The following ZNF37A variants were observed in gnomAD, a reference collection of about 807,000 sequenced individuals.
ZNF37A encodes zinc finger protein 37A.
A neutral mutation model predicts 12.3 loss-of-function variants in ZNF37A; 10 were observed. That is an observed-to-expected ratio of 0.82 (90% CI 0.50 to 1.38). ZNF37A has a LOEUF of 1.38. ZNF37A is among the 40% of genes most tolerant of loss of function. The probability of loss-of-function intolerance (pLI) is 0.00; values close to 1 mark genes in which losing one functional copy is unlikely to be tolerated. For missense variants in ZNF37A, 580 were observed against 651.2 expected, an observed-to-expected ratio of 0.89 and a Z score of 1.19; for synonymous variants, 207 against 223.0, an observed-to-expected ratio of 0.93 and a Z score of 0.64.
chr10:38,111,117 A>G (rs185168913), intron 5 of ZNF37A, among the ~76,000 whole-genome samples: 23 of 152,326 alleles, frequency 1.5e-4, no homozygotes, highest in Admixed American at 1.5e-3. Context: ...GATAAAGAAA[A>G]TGTGGCACAT....
intron 7 of ZNF37A, among the ~76,000 whole-genome samples, chr10:38,134,686 A>G (rs2070082671): frequency 6.6e-6 from 1 of 152,268 alleles, no homozygotes; most frequent in African/African-American, 2.4e-5. Context: ...TGGCCGTATG[A>G]GGTGTCAGTC....
chr10:38,117,209 T>C (rs2069337429), intron 7 of ZNF37A, 181 bp from the exon 8 acceptor site: 1 of 985,024 alleles, frequency 1.0e-6, no homozygotes, highest in Non-Finnish European at 1.2e-6. Context: ...CTTTTAGAAA[T>C]TTAATTTGTT....
chr10:38,097,125 CTG>C lies in ZNF37A; in HGVS notation c.15+494_15+495del, dbSNP rs1370341848. On this transcript the variant is annotated intron_variant, in intron 5 of 7. Coordinates refer to ENST00000685332, the MANE Select transcript of ZNF37A (RefSeq NM_001324250.3). ...CTTGTGATCTCACAGAGTTGTGAAA[CTG>C]GAACATAAAACAGTTTGTCAATGGG... Among the ~76,000 whole-genome samples, 8 of 152,282 alleles carry C rather than the reference CTG, an allele frequency of 5.3e-5. No individual in the cohort carries two copies. The South Asian group carries it at 1.0e-3, about 20-fold the overall frequency.
In ZNF37A at chr10:38,117,937, G is replaced by C; in HGVS notation, c.786G>C (p.Gln262His). ...FSEKLVLHLQ[Q>H]RTHTGEKPYE... ...AAAAATTAGTCCTTCATTTACAACA[G>C]AGAACACATACAGGAGAAAAACCTT... is the stretch of plus-strand genomic sequence containing the variant. The change falls in exon 8 of 8, where the codon CAG becomes CAC. Residue 262 changes from glutamine to histidine, a missense_variant. Transcript: ENST00000685332. The C allele has an allele frequency of 6.2e-7, 1 of 1,613,838 alleles. No homozygotes were observed. Among genetic ancestry groups the C allele is most frequent in the East Asian group, 2.2e-5 (1 of 44,872 alleles).
intron 5 of ZNF37A, among the ~76,000 whole-genome samples, chr10:38,109,603 A>T (rs1447492230): frequency 6.6e-6 from 1 of 152,236 alleles, no homozygotes; most frequent in African/African-American, 2.4e-5. Context: ...CCATCATCTC[A>T]GCCCAAAATC....
intron 7 of ZNF37A, chr10:38,138,401 A>G (rs1290215585): frequency 6.6e-6 from 1 of 152,254 alleles, no homozygotes; most frequent in East Asian, 1.9e-4. Context: ...AAATGCAGCT[A>G]AAAGCATGAG....
rs2069549208 is a variant in ZNF37A, at chr10:38,119,317, G to T, written c.*480G>T. Reference sequence around the variant, plus strand: ...AAGACAGAAACCCTATGGGTGTAATGAATGTGGAAAATCATTCTGTGTGAA... The same window carrying T: ...AAGACAGAAACCCTATGGGTGTAATTAATGTGGAAAATCATTCTGTGTGAA... On this transcript the variant is annotated 3_prime_UTR_variant, in exon 8 of 8. Coordinates refer to ENST00000685332, the MANE Select transcript of ZNF37A (RefSeq NM_001324250.3). 2.0e-6 allele frequency: 2 copies of T among 1,025,190 alleles called. No homozygotes were observed. The highest frequency in any genetic ancestry group is 4.2e-5 in the South Asian group (1 of 23,788). The allele number at this position is 1,025,190 out of a possible 1,614,324, so 63.5% of individuals were successfully genotyped here.
intron 7 of ZNF37A, among the ~76,000 whole-genome samples, chr10:38,136,421 T>A (rs1216036675): frequency 1.3e-5 from 2 of 152,194 alleles, no homozygotes; most frequent in African/African-American, 4.8e-5. Flanking sequence ...CCCAAAGTGC[T>A]GGGATTACAG....
At chr10:38,126,740 C>G (rs2069933896), downstream of ZNF37A, among the ~76,000 whole-genome samples, 2 of 152,202 alleles carry the variant, frequency 1.3e-5, no homozygotes, top group Non-Finnish European at 2.9e-5. Flanking sequence ...TGCAGCAGCC[C>G]TATCATCACC....
Position 38,095,019 on chromosome 10 carries a change from T to C in ZNF37A, c.-403T>C, listed in dbSNP as rs1476229169. ...GGAATTTCTTGTTTCCACTGACCTGTGAGGCCGCGCACGCGGAGGGAGGCA... is the reference window on the plus strand; with the variant it reads ...GGAATTTCTTGTTTCCACTGACCTGCGAGGCCGCGCACGCGGAGGGAGGCA... On this transcript the variant is annotated 5_prime_UTR_variant, in exon 2 of 8. An upstream open reading frame in the 5' UTR loses its in-frame stop. Transcript: ENST00000685332. The C allele has an allele frequency of 6.6e-6, 1 of 152,586 alleles. No individual in the cohort carries two copies. The highest frequency in any genetic ancestry group is 6.5e-5 in the Admixed American group (1 of 15,298). The allele number at this position is 152,586 out of a possible 1,614,324, so 9.5% of individuals were successfully genotyped here. A position where few individuals can be genotyped will look rare whatever the true frequency, so the allele number is the denominator to read the frequency against.
chr10:38,117,896 G>C lies in ZNF37A; in HGVS notation c.745G>C (p.Gly249Arg). 6.2e-7 allele frequency: 1 copy of C among 1,613,900 alleles called. No individual in the cohort carries two copies. The highest frequency in any genetic ancestry group is 1.1e-5 in the South Asian group (1 of 91,064). ...INNIIEYNEC[G>R]TFFSEKLVLH... is the part of the protein sequence containing the mutation. Reference sequence around the variant, plus strand: ...CAATATTATTGAATATAATGAGTGTGGAACATTTTTCAGTGAAAAATTAGT... The same window carrying C: ...CAATATTATTGAATATAATGAGTGTCGAACATTTTTCAGTGAAAAATTAGT... The change falls in exon 8 of 8, where the codon GGA becomes CGA. Residue 249 changes from glycine (G) to arginine (R), a missense_variant. Gly to Arg is a moderately radical substitution (Grantham distance 125). Coordinates refer to ENST00000685332, the MANE Select transcript of ZNF37A (RefSeq NM_001324250.3).
intron 7 of ZNF37A, among the ~76,000 whole-genome samples, chr10:38,145,257 G>A (rs2070236844): frequency 6.6e-6 from 1 of 152,160 alleles, no homozygotes; most frequent in African/African-American, 2.4e-5. Context: ...CGGAGGCTAT[G>A]GAAATAGTTT....
At chr10:38,112,223 G>T (rs1411427866) in intron 5 of ZNF37A, among the ~76,000 whole-genome samples, 2 of 151,330 alleles carry the variant, frequency 1.3e-5, no homozygotes, top group Middle Eastern at 3.2e-3. Flanking sequence ...TAAGCACTTA[G>T]CCTGGTCCAT....
chr10:38,098,966 G>A (rs1221847905), intron 5 of ZNF37A, among the ~76,000 whole-genome samples: 1 of 152,002 alleles, frequency 6.6e-6, no homozygotes, highest in Non-Finnish European at 1.5e-5. Context: ...TTCCTTTGTG[G>A]ATACTTCAGT....
chr10:38,129,319 A>AAAAAAAAAAAAAT, downstream of ZNF37A, among the ~76,000 whole-genome samples: 1 of 116,228 alleles, frequency 8.6e-6, no homozygotes, highest in African/African-American at 3.6e-5. Context: ...AAAAAAAAAA[A>AAAAAAAAAAAAAT]AAACTATTAT....
chr10:38,129,944 A>C (rs1336280343), downstream of ZNF37A, among the ~76,000 whole-genome samples: 1 of 152,238 alleles, frequency 6.6e-6, no homozygotes, highest in Non-Finnish European at 1.5e-5. Context: ...CATCAAATAC[A>C]TTCACAATGT....
intron 5 of ZNF37A, among the ~76,000 whole-genome samples, chr10:38,113,201 T>C (rs1267685867): frequency 6.8e-6 from 1 of 146,338 alleles, no homozygotes; most frequent in African/African-American, 2.5e-5. Context: ...TTTTTTAGTC[T>C]GTGATTTTTT....
downstream of ZNF37A, among the ~76,000 whole-genome samples, chr10:38,130,046 C>T (rs1390880361): frequency 6.6e-6 from 1 of 152,184 alleles, no homozygotes; most frequent in Non-Finnish European, 1.5e-5. Flanking sequence ...CTTCTCTCCT[C>T]CCTGTCCCTG....
chr10:38,134,465 G>T (rs1590944458), intron 7 of ZNF37A, among the ~76,000 whole-genome samples: 2 of 152,258 alleles, frequency 1.3e-5, no homozygotes, highest in South Asian at 4.1e-4. Context: ...CATACAGATG[G>T]CGTTTTGGTG....
Sources: allele counts gnomAD v4.1 joint callset (sites outside exome capture counted in the v4.1 genomes callset), GRCh38; gene constraint gnomAD v4.1.1; transcripts MANE v1.5; gene names NCBI Gene and HGNC (gene_info 2026-07-23, HGNC 2026-07-21).